Variants in IQANK1 observed in about 807,000 individuals in gnomAD.
IQANK1 encodes IQ motif and ankyrin repeat domain-containing protein 1.
In IQANK1, 30 loss-of-function variants were observed where a neutral mutation model predicts 22.6. The observed-to-expected ratio is 1.33, with a 90% CI of 0.99 to 1.80. IQANK1 has a LOEUF of 1.80. IQANK1 is among the 40% of genes most tolerant of loss of function. The probability of loss-of-function intolerance (pLI) is 0.00; values close to 1 mark genes in which losing one functional copy is unlikely to be tolerated. For missense variants in IQANK1, 275 were observed against 235.2 expected (o/e 1.17, Z -1.11); for synonymous variants, 122 against 99.6 (o/e 1.23, Z -1.34).
chr8:143,788,765 T>C (rs1819945081), intron 7 of IQANK1, 150 bp from the exon 8 acceptor site: 1 of 396,714 alleles, frequency 2.5e-6, no homozygotes, highest in Non-Finnish European at 4.4e-6. Flanking sequence ...GGGCTCATGC[T>C]TTGGGGCCCA....
At position 143,749,582 on chromosome 8, in the gene IQANK1, ATTT is replaced by A. The variant is rs1554627816; in HGVS notation, c.175+9636_175+9638del. Among the ~76,000 whole-genome samples the A allele has an allele frequency of 3.1e-5, 4 of 129,432 alleles. 1 individual carries two copies. Among genetic ancestry groups the A allele is most frequent in the African/African-American group, 1.2e-4 (4 of 33,216 alleles). 84.9% of individuals were successfully genotyped at this position (129,432 alleles called of 152,430 possible). ...TCATATATATCAATCATATATATAT[ATTT>A]TATTTATTTATTTATTTTTTTTTTT... is the stretch of plus-strand genomic sequence containing the variant. On this transcript the variant is annotated intron_variant, in intron 3 of 13. Transcript: ENST00000527139.
At position 143,747,088 on chromosome 8, in the gene IQANK1, C is replaced by T. The variant is rs536403934; in HGVS notation, c.175+7140C>T. Reference sequence around the variant, plus strand: ...TAGAGACTGGGTTTCACCCTGTTAGCCAGGATGGTCTCGATCTCCTGACCT... The same window carrying T: ...TAGAGACTGGGTTTCACCCTGTTAGTCAGGATGGTCTCGATCTCCTGACCT... On this transcript the variant is annotated intron_variant, in intron 3 of 13. Transcript: ENST00000527139. Among the ~76,000 whole-genome samples the T allele has an allele frequency of 8.0e-4, 121 of 152,200 alleles. 1 individual carries two copies. The highest frequency in any genetic ancestry group is 2.8e-3 in the African/African-American group (117 of 41,516).
intron 3 of IQANK1, among the ~76,000 whole-genome samples, chr8:143,756,415 A>C (rs782165721): frequency 7.9e-5 from 12 of 152,004 alleles, no homozygotes; most frequent in Non-Finnish European, 1.5e-4. Flanking sequence ...ATTGGTGTGG[A>C]TCAATAGGGA....
At chr8:143,764,526 G>T (rs1819452044) in intron 3 of IQANK1, among the ~76,000 whole-genome samples, 2 of 151,862 alleles carry the variant, frequency 1.3e-5, no homozygotes, top group South Asian at 4.2e-4. Flanking sequence ...ACCTGAGCCT[G>T]GGGAGGTCAA....
rs551121676 is a variant in IQANK1, at chr8:143,753,509, A to G, written c.175+13561A>G. ...GTCTCGCTGTCTCAGGCTGGAGTGC[A>G]GTGGCATGATCTCGGCTCACTGCAA... On this transcript the variant is annotated intron_variant, in intron 3 of 13. Transcript: ENST00000527139. 1.2e-4 allele frequency among the ~76,000 whole-genome samples: 18 copies of G among 146,790 alleles called. No homozygotes were observed. The South Asian group carries it at 3.2e-3, about 26-fold the overall frequency.
intron 2 of IQANK1, among the ~76,000 whole-genome samples, chr8:143,738,461 G>T (rs1818802868): frequency 6.6e-6 from 1 of 152,182 alleles, no homozygotes; most frequent in Admixed American, 6.5e-5. Flanking sequence ...ACCCCACTCG[G>T]TGGGGCCAGG....
chr8:143,761,598 C>T (rs1298140432), intron 3 of IQANK1, among the ~76,000 whole-genome samples: 2 of 152,078 alleles, frequency 1.3e-5, no homozygotes, highest in South Asian at 2.1e-4. Flanking sequence ...AGTAAGACCC[C>T]AGCTCTACCA....
intron 7 of IQANK1, among the ~76,000 whole-genome samples, chr8:143,773,441 A>G (rs1210220900): frequency 2.0e-5 from 3 of 152,066 alleles, no homozygotes; most frequent in Non-Finnish European, 4.4e-5. Context: ...CAGTGGCTGG[A>G]AAACCAGACC....
chr8:143,743,120 T>C (rs4074640), intron 3 of IQANK1: 100,350 of 436,868 alleles, frequency 0.23, 12,861 homozygotes, highest in East Asian at 0.52. Context: ...GGCACGGCCT[T>C]GCCAGGCTGA....
chr8:143,756,969 C>T (rs1819304305), intron 3 of IQANK1, among the ~76,000 whole-genome samples: 1 of 144,596 alleles, frequency 6.9e-6, no homozygotes, highest in Admixed American at 7.0e-5. Flanking sequence ...CAGAATAGGA[C>T]CCTGTCTAAA....
At chr8:143,785,917 G>A (rs1183327038) in intron 7 of IQANK1, among the ~76,000 whole-genome samples, 1 of 152,022 alleles carries the variant, frequency 6.6e-6, no homozygotes, top group African/African-American at 2.4e-5. Flanking sequence ...AGTAGAGACG[G>A]GGTTTCACCA....
Position 143,738,912 on chromosome 8 carries a change from G to A in IQANK1, c.86-947G>A, listed in dbSNP as rs144567809. 9.2e-5 allele frequency among the ~76,000 whole-genome samples: 14 copies of A among 152,334 alleles called. No homozygotes were observed. The East Asian group carries it at 2.7e-3, about 29-fold the overall frequency. ...CAGCTAGCACGCCCACAGGAGCCCC[G>A]CTGGGGTTTGGTGGAGACAAAGGAC... On this transcript the variant is annotated intron_variant, in intron 2 of 13. Transcript: ENST00000527139.
At chr8:143,737,391 C>A (rs1818771598) in intron 2 of IQANK1, among the ~76,000 whole-genome samples, 1 of 152,212 alleles carries the variant, frequency 6.6e-6, no homozygotes, top group South Asian at 2.1e-4. Flanking sequence ...CACCTCTGTC[C>A]CTGAACAAGT....
Position 143,771,499 on chromosome 8 carries a change from G to A in IQANK1, c.187G>A (p.Asp63Asn). 1 of 398,032 alleles carries A rather than the reference G, an allele frequency of 2.5e-6. No homozygotes were observed. The highest frequency in any genetic ancestry group is 4.4e-6 in the Non-Finnish European group (1 of 225,690). The allele number at this position is 398,032 out of a possible 1,614,324, so 24.7% of individuals were successfully genotyped here. A position where few individuals can be genotyped will look rare whatever the true frequency, so the allele number is the denominator to read the frequency against. ...SPQAPTGPAE[D>N]RAARAIQGAF... is the part of the protein sequence containing the mutation. The stretch of plus-strand genomic sequence containing the variant: ...TCTCCCCACCCCAGGGCCGGCCGAG[G>A]ACCGAGCGGCCAGAGCGATCCAGGG... Residue 63 changes from aspartate (D) to asparagine (N), a missense_variant, in exon 4 of 14, where the codon GAC becomes AAC. Coordinates refer to ENST00000527139, the MANE Select transcript of IQANK1 (RefSeq NM_001381874.1). The surrounding 1 kb of genome is among the most constrained non-coding windows in gnomAD (Gnocchi z 6.0).
chr8:143,765,844 A>T (rs777197101), intron 3 of IQANK1, among the ~76,000 whole-genome samples: 1 of 152,232 alleles, frequency 6.6e-6, no homozygotes, highest in African/African-American at 2.4e-5. Context: ...TTACTGATTC[A>T]TTCTACTGCT....
At chr8:143,763,101 C>G (rs1485739997) in intron 3 of IQANK1, among the ~76,000 whole-genome samples, 3 of 152,128 alleles carry the variant, frequency 2.0e-5, no homozygotes, top group Admixed American at 2.0e-4. Flanking sequence ...ACTGCAACCT[C>G]TGCCTCCTGG....
chr8:143,765,078 G>A lies in IQANK1; in HGVS notation c.176-6410G>A, dbSNP rs182762020. Among the ~76,000 whole-genome samples the A allele has an allele frequency of 6.6e-5, 10 of 152,220 alleles. No homozygotes were observed. The East Asian group carries it at 1.5e-3, about 24-fold the overall frequency. On this transcript the variant is annotated intron_variant, in intron 3 of 13. Transcript: ENST00000527139. ...CAAGAATCATATATATAGCCGCGCCGGGTTTGTTGGCTCATGTCTGTAATC... is the reference window on the plus strand; with the variant it reads ...CAAGAATCATATATATAGCCGCGCCAGGTTTGTTGGCTCATGTCTGTAATC...
Position 143,758,747 on chromosome 8 carries a change from C to G in IQANK1, c.176-12741C>G, listed in dbSNP as rs975570635. 6.6e-6 allele frequency: 1 copy of G among 152,614 alleles called. No individual in the cohort carries two copies. Among genetic ancestry groups the G allele is most frequent in the Non-Finnish European group, 1.5e-5 (1 of 68,312 alleles). 9.5% of individuals were successfully genotyped at this position (152,614 alleles called of 1,614,324 possible). On this transcript the variant is annotated intron_variant, in intron 3 of 13. Coordinates refer to ENST00000527139, the MANE Select transcript of IQANK1 (RefSeq NM_001381874.1). The surrounding 1 kb of genome is among the most constrained non-coding windows in gnomAD (Gnocchi z 4.2). ...GTGCAGGTCCCAGCGTCCAGTCCTCCAAGAACCAGCACTGCCGGAGCCTCG... is the reference window on the plus strand; with the variant it reads ...GTGCAGGTCCCAGCGTCCAGTCCTCGAAGAACCAGCACTGCCGGAGCCTCG...
intron 7 of IQANK1, among the ~76,000 whole-genome samples, chr8:143,775,711 G>T (rs782287307): frequency 6.6e-6 from 1 of 151,544 alleles, no homozygotes; most frequent in Admixed American, 6.6e-5. Context: ...GCAGTGAGCT[G>T]AGATCGCGCC....
Sources: allele counts gnomAD v4.1 joint callset (sites outside exome capture counted in the v4.1 genomes callset), GRCh38; gene constraint gnomAD v4.1.1; non-coding constraint Gnocchi (gnomAD v3.1); transcripts MANE v1.5; gene names NCBI Gene and HGNC (gene_info 2026-07-23, HGNC 2026-07-21).